Variants in TELO2 observed in about 807,000 individuals in gnomAD.
The protein encoded by TELO2 is telomere length regulation protein TEL2 homolog.
TELO2 carries 71 observed loss-of-function variants against 91.0 expected under a neutral mutation model. The ratio of observed to expected loss-of-function variants is 0.78; its 90% confidence interval spans 0.64 to 0.95. The LOEUF (loss-of-function observed/expected upper bound fraction) is 0.95, where lower values mean the gene tolerates loss of function less well. Ranked by LOEUF, TELO2 falls within the 40% of genes least tolerant of loss-of-function variation. The probability of loss-of-function intolerance (pLI) is 0.00; values close to 1 mark genes in which losing one functional copy is unlikely to be tolerated. For missense variants in TELO2, 1,183 were observed against 1,141.3 expected, an observed-to-expected ratio of 1.04 and a Z score of -0.53; for synonymous variants, 584 against 518.9, an observed-to-expected ratio of 1.13 and a Z score of -1.71.
rs1297992507 is a variant in TELO2 at position 1,497,460 on chromosome 16, A to G, written c.782A>G (p.Asp261Gly). 2 of 1,574,106 alleles carry G rather than the reference A, an allele frequency of 1.3e-6. No individual in the cohort carries two copies. Among genetic ancestry groups the G allele is most frequent in the Non-Finnish European group, 1.7e-6 (2 of 1,161,542 alleles). The change falls in exon 5 of 21, where the codon GAC becomes GGC. Residue 261 changes from aspartate (D) to glycine (G), a missense_variant. Asp to Gly is a moderately conservative substitution (Grantham distance 94, BLOSUM62 -1). Coordinates refer to ENST00000262319, the MANE Select transcript of TELO2 (RefSeq NM_016111.4). The surrounding 1 kb of genome is among the most constrained non-coding windows in gnomAD (Gnocchi z 4.0). ...VCWRLVEQVP[D>G]RAMEAVLTGL... ...TGGCGCCTGGTGGAGCAAGTGCCGG[A>G]CCGGGCCATGGAGGCTGTGCTGACC...
chr16:1,506,636 C>T (rs2039902761), intron 17 of TELO2: 2 of 1,380,834 alleles, frequency 1.4e-6, no homozygotes, highest in Non-Finnish European at 1.9e-6. Context: ...CCTGCCTCAG[C>T]CGGCGCTGCA....
chr16:1,504,758 T>C (rs991646104), intron 15 of TELO2, among the ~76,000 whole-genome samples: 29 of 151,618 alleles, frequency 1.9e-4, no homozygotes, highest in East Asian at 4.0e-4. Flanking sequence ...GGGGTTTCAC[T>C]GTGTTAGCCA....
chr16:1,507,468 G>A (rs2039939204), intron 19 of TELO2, 98 bp downstream of exon 19: 4 of 1,525,310 alleles, frequency 2.6e-6, no homozygotes, highest in Non-Finnish European at 3.5e-6. Context: ...CTGACAGGCA[G>A]CCTGGCCTGG....
In TELO2 at chr16:1,502,723, A is replaced by T; in HGVS notation, c.1732A>T (p.Arg578Ter). The T allele has an allele frequency of 1.9e-6, 3 of 1,612,642 alleles. No individual in the cohort carries two copies. Among genetic ancestry groups the T allele is most frequent in the Non-Finnish European group, 2.5e-6 (3 of 1,179,874 alleles). ...CVVGFAGLRQ[R>*]ALVAVTVTDP... is the part of the protein sequence containing the mutation. The stretch of plus-strand genomic sequence containing the variant: ...GGTGGGATTTGCAGGGCTGCGCCAG[A>T]GAGCCCTGGTGGCCGTCACGGTCAC... Residue 578 changes from arginine (R) to a stop codon, truncating the protein, a stop_gained, in exon 14 of 21, where the codon AGA becomes TGA. Coordinates refer to ENST00000262319, the MANE Select transcript of TELO2 (RefSeq NM_016111.4). LOFTEE classifies it high-confidence loss of function.
intron 20 of TELO2, among the ~76,000 whole-genome samples, chr16:1,508,791 G>A (rs545177593): frequency 1.3e-5 from 2 of 152,330 alleles, no homozygotes; most frequent in East Asian, 3.9e-4. Flanking sequence ...GCACGGTACC[G>A]ATGGACACGG....
Position 1,502,058 on chromosome 16 carries a change from T to G in TELO2, c.1484T>G (p.Phe495Cys). ...SDSDLDSDDE[F>C]VPYDMSGDRE... ...TTGCTCTCCCACAGCGATGATGAGT[T>G]TGTCCCCTACGACATGTCGGGGGAC... The change falls in exon 12 of 21, where the codon TTT becomes TGT. Residue 495 changes from phenylalanine to cysteine, a missense_variant. Coordinates refer to ENST00000262319, the MANE Select transcript of TELO2 (RefSeq NM_016111.4). 1 of 1,613,308 alleles carries G rather than the reference T, an allele frequency of 6.2e-7. No homozygotes were observed. Among genetic ancestry groups the G allele is most frequent in the East Asian group, 2.2e-5 (1 of 44,882 alleles).
At position 1,509,998 on chromosome 16, in the gene TELO2, C is replaced by A; in HGVS notation, c.*62C>A. 6.9e-7 allele frequency: 1 copy of A among 1,442,944 alleles called. No homozygotes were observed. The highest frequency in any genetic ancestry group is 9.5e-7 in the Non-Finnish European group (1 of 1,054,726). 89.4% of individuals were successfully genotyped at this position (1,442,944 alleles called of 1,614,324 possible). A position where few individuals can be genotyped will look rare whatever the true frequency, so the allele number is the denominator to read the frequency against. On this transcript the variant is annotated 3_prime_UTR_variant, in exon 21 of 21. Transcript: ENST00000262319. ...GCAAGGCAGGCGGCTGAGCAGCGGC[C>A]TGGAGCAGCAGAGCCAGGCTTTGTA...
Position 1,506,332 on chromosome 16 carries a change from G to C in TELO2, c.2126+3G>C. 6.2e-7 allele frequency: 1 copy of C among 1,614,072 alleles called. No individual in the cohort carries two copies. The stretch of plus-strand genomic sequence containing the variant: ...CCCCTCCTTCAGCGCTTTGACAGGT[G>C]AGTGGGTTTTCCGTGGGCCTGTGGA... On this transcript the variant is annotated splice_donor_region_variant and intron_variant, in intron 17 of 20. Transcript: ENST00000262319.
At position 1,501,316 on chromosome 16, in the gene TELO2, C is replaced by T. The variant is rs1301604816; in HGVS notation, c.1282-104C>T. On this transcript the variant is annotated intron_variant, in intron 9 of 20. Coordinates refer to ENST00000262319, the MANE Select transcript of TELO2 (RefSeq NM_016111.4). The stretch of plus-strand genomic sequence containing the variant: ...CCAGGGCCCAGCCACTGAGTGAGAC[C>T]GGGCTGCGAGGGAGGCCACAGTGGG... 17 of 1,239,114 alleles carry T rather than the reference C, an allele frequency of 1.4e-5. 1 individual carries two copies. Among genetic ancestry groups the T allele is most frequent in the African/African-American group, 7.5e-5 (5 of 66,786 alleles). 76.8% of individuals were successfully genotyped at this position (1,239,114 alleles called of 1,614,324 possible). A position where few individuals can be genotyped will look rare whatever the true frequency, so the allele number is the denominator to read the frequency against.
chr16:1,501,729 C>T lies in TELO2; in HGVS notation c.1428C>T (p.Gly476=), dbSNP rs780492521. 27 of 1,611,914 alleles carry T rather than the reference C, an allele frequency of 1.7e-5. No homozygotes were observed. The highest frequency in any genetic ancestry group is 2.0e-5 in the Non-Finnish European group (24 of 1,179,892). The change falls in exon 11 of 21, where the codon GGC becomes GGT. Residue 476 remains glycine, a synonymous_variant. Coordinates refer to ENST00000262319, the MANE Select transcript of TELO2 (RefSeq NM_016111.4). ...CCCCCGCAGAGATCGTGGATGGCGG[C>T]GTCCCCCAAGCACAGCTGGCGGGCT... ...AETPAEIVDG[G]VPQAQLAGSD...
chr16:1,500,191 T>C (rs753824624), intron 7 of TELO2, 27 bp downstream of exon 7: 8 of 1,584,038 alleles, frequency 5.1e-6, no homozygotes, highest in South Asian at 1.1e-5. Flanking sequence ...TCTCCGTCCC[T>C]GCGAGGCCCT....
chr16:1,501,731 TCCCCCAAG>T lies in TELO2; in HGVS notation c.1432_1439del (p.Pro478ThrfsTer6). On this transcript the variant is annotated frameshift_variant, in exon 11 of 21. Transcript: ENST00000262319. LOFTEE classifies it high-confidence loss of function. ...CCCGCAGAGATCGTGGATGGCGGCG[TCCCCCAAG>T]CACAGCTGGCGGGCTCTGACTCGGA... is the stretch of plus-strand genomic sequence containing the variant. 1 of 1,611,458 alleles carries T rather than the reference TCCCCCAAG, an allele frequency of 6.2e-7. No individual in the cohort carries two copies. The highest frequency in any genetic ancestry group is 2.2e-5 in the East Asian group (1 of 44,852).
rs62012849 is a variant in TELO2 at position 1,505,972 on chromosome 16, C to T, written c.2035-266C>T. ...CGGAGGCATCCTGCAGTGCCCAGGG[C>T]GGCCTCCCCAGGACGCTCCTCCAGC... is the stretch of plus-strand genomic sequence containing the variant. On this transcript the variant is annotated intron_variant, in intron 16 of 20. Coordinates refer to ENST00000262319, the MANE Select transcript of TELO2 (RefSeq NM_016111.4). The surrounding 1 kb of genome is among the most constrained non-coding windows in gnomAD (Gnocchi z 4.3). Among the ~76,000 whole-genome samples, 6,530 of 152,198 alleles carry T rather than the reference C, an allele frequency of 0.043. 352 individuals carry two copies. The highest frequency in any genetic ancestry group is 0.16 in the Admixed American group (2,402 of 15,300).
In TELO2 at chr16:1,505,257, C is replaced by G; in HGVS notation, c.1843-153C>G. Reference sequence around the variant, plus strand: ...ACCAAGGCGCGGTTGCTGTGAGCTACGGGGAAGTGACTTTTCTCCTTGTTC... The same window carrying G: ...ACCAAGGCGCGGTTGCTGTGAGCTAGGGGGAAGTGACTTTTCTCCTTGTTC... On this transcript the variant is annotated intron_variant, in intron 15 of 20. Coordinates refer to ENST00000262319, the MANE Select transcript of TELO2 (RefSeq NM_016111.4). This position sits in a 1 kb window ranked among gnomAD's most constrained non-coding sequence, Gnocchi z 4.3. 1 of 889,106 alleles carries G rather than the reference C, an allele frequency of 1.1e-6. No individual in the cohort carries two copies. The highest frequency in any genetic ancestry group is 1.7e-6 in the Non-Finnish European group (1 of 601,864). The allele number at this position is 889,106 out of a possible 1,614,324, so 55.1% of individuals were successfully genotyped here. A position where few individuals can be genotyped will look rare whatever the true frequency, so the allele number is the denominator to read the frequency against.
At position 1,506,935 on chromosome 16, in the gene TELO2, T is replaced by C; in HGVS notation, c.2127-17T>C. ...CTGAGGCACCCGCTGCACCTTGGGC[T>C]CCATCCTGTGCTCTAGGCCTCTGGT... is the stretch of plus-strand genomic sequence containing the variant. On this transcript the variant is annotated splice_polypyrimidine_tract_variant and intron_variant, in intron 17 of 20. Coordinates refer to ENST00000262319, the MANE Select transcript of TELO2 (RefSeq NM_016111.4). 6.3e-7 allele frequency: 1 copy of C among 1,599,342 alleles called. No individual in the cohort carries two copies.
In TELO2 at chr16:1,495,427, G is replaced by A. The variant is rs1419735111; in HGVS notation, c.417G>A (p.Ala139=). ...GCCGGCTGGCAGTGCTGATGGAGGC[G>A]CAGTGTCGGCAGCAGACGCAGCCCG... ...REGRLAVLME[A]QCRQQTQPGF... The change falls in exon 3 of 21, where the codon GCG becomes GCA. Residue 139 remains alanine (A), a synonymous_variant. Transcript: ENST00000262319. 5.0e-6 allele frequency: 8 copies of A among 1,597,370 alleles called. No homozygotes were observed. The highest frequency in any genetic ancestry group is 6.8e-6 in the Non-Finnish European group (8 of 1,173,276).
intron 17 of TELO2, 36 bp from the exon 18 acceptor site, chr16:1,506,916 C>T (rs1241157002): frequency 1.3e-6 from 2 of 1,559,158 alleles, no homozygotes; most frequent in East Asian, 2.3e-5. Context: ...GGCCCTGAGG[C>T]ACCCGCTGCA....
At position 1,502,358 on chromosome 16, in the gene TELO2, G is replaced by A. The variant is rs769532584; in HGVS notation, c.1607G>A (p.Arg536Gln). 29 of 1,605,756 alleles carry A rather than the reference G, an allele frequency of 1.8e-5. No homozygotes were observed. Among genetic ancestry groups the A allele is most frequent in the African/African-American group, 2.7e-5 (2 of 74,848 alleles). Reference sequence around the variant, plus strand: ...ATAGAGCGCTGGGAGGCAGCCCTGCGGGCCCTTGAGGGCCTGGTCTACAGG... The same window carrying A: ...ATAGAGCGCTGGGAGGCAGCCCTGCAGGCCCTTGAGGGCCTGGTCTACAGG... ...EDIERWEAALRALEGLVYRSP... is the reference protein window; with the variant it reads ...EDIERWEAALQALEGLVYRSP... The change falls in exon 13 of 21, where the codon CGG becomes CAG. Residue 536 changes from arginine to glutamine, a missense_variant. By Grantham distance (43) the Arg-to-Gln change is conservative (BLOSUM62 1). Coordinates refer to ENST00000262319, the MANE Select transcript of TELO2 (RefSeq NM_016111.4).
Position 1,501,428 on chromosome 16 carries a change from G to A in TELO2, c.1290G>A (p.Glu430=), listed in dbSNP as rs1189874560. 6.2e-6 allele frequency: 10 copies of A among 1,612,314 alleles called. No homozygotes were observed. The highest frequency in any genetic ancestry group is 8.5e-6 in the Non-Finnish European group (10 of 1,179,704). Residue 430 remains glutamate (E), a synonymous_variant, in exon 10 of 21, where the codon GAG becomes GAA. Transcript: ENST00000262319. Reference sequence around the variant, plus strand: ...CTGCTCCCCTGCTGTAGTACGAAGAGGATGAACTGAGCCTCGAGCTGCTGG... The same window carrying A: ...CTGCTCCCCTGCTGTAGTACGAAGAAGATGAACTGAGCCTCGAGCTGCTGG... ...EGPPLKFQYE[E]DELSLELLAL...
Sources: gnomAD v4.1 joint callset for allele counts (sites outside exome capture counted in the v4.1 genomes callset) on GRCh38, gnomAD v4.1.1 for gene constraint, Gnocchi (gnomAD v3.1) non-coding constraint, MANE v1.5 for transcripts, NCBI Gene and HGNC (gene_info 2026-07-23, HGNC 2026-07-21) for gene names.